Variants in OSBPL10 observed in about 807,000 individuals in gnomAD.
OSBPL10 encodes the protein oxysterol-binding protein-related protein 10.
OSBPL10 carries 49 observed loss-of-function variants against 81.7 expected under a neutral mutation model. The observed-to-expected ratio is 0.60, with a 90% CI of 0.48 to 0.76. OSBPL10 has a LOEUF of 0.76. Ranked by LOEUF, OSBPL10 falls within the 30% of genes least tolerant of loss-of-function variation. OSBPL10 has a pLI of 0.00. For synonymous variants in OSBPL10, 419 were observed against 383.6 expected (o/e 1.09, Z -1.08); for missense variants, 923 against 987.8 (o/e 0.93, Z 0.88).
At chr3:31,898,006 C>CAAAAAA (rs58479197) in intron 1 of OSBPL10, among the ~76,000 whole-genome samples, 92 of 62,458 alleles carry the variant, frequency 1.5e-3, no homozygotes, top group East Asian at 4.5e-3. Context: ...AGAACTCTGT[C>CAAAAAA]AAAAAAAAAA....
intron 1 of OSBPL10, among the ~76,000 whole-genome samples, chr3:31,979,408 C>G (rs1698768548): frequency 6.6e-6 from 1 of 152,214 alleles, no homozygotes; most frequent in South Asian, 2.1e-4. Flanking sequence ...AAGACCTCTT[C>G]CTCCAAGTTG....
intron 7 of OSBPL10, among the ~76,000 whole-genome samples, chr3:31,686,678 G>A (rs951668307): frequency 2.0e-5 from 3 of 151,976 alleles, no homozygotes; most frequent in Admixed American, 6.6e-5. Flanking sequence ...TTTAATCCAC[G>A]ACTTGAAAAA....
At chr3:31,964,456 C>T (rs1698255976) in intron 1 of OSBPL10, among the ~76,000 whole-genome samples, 1 of 152,244 alleles carries the variant, frequency 6.6e-6, no homozygotes, top group South Asian at 2.1e-4. Context: ...GGCACCTGCC[C>T]TACCCAGCAC....
intron 2 of OSBPL10, among the ~76,000 whole-genome samples, chr3:31,992,506 T>G (rs1699044955): frequency 6.6e-6 from 1 of 152,210 alleles, no homozygotes; most frequent in Non-Finnish European, 1.5e-5. Context: ...ATCTAGAGGC[T>G]GCCCACATTC....
chr3:31,822,690 A>T (rs1416681080), intron 4 of OSBPL10, among the ~76,000 whole-genome samples: 1 of 152,036 alleles, frequency 6.6e-6, no homozygotes, highest in Admixed American at 6.6e-5. Flanking sequence ...CAGGAGAATC[A>T]CTTGAGGCCA....
intron 1 of OSBPL10, among the ~76,000 whole-genome samples, chr3:31,959,077 G>A (rs961167333): frequency 6.6e-6 from 1 of 152,080 alleles, no homozygotes; most frequent in African/African-American, 2.4e-5. Context: ...GAGTGGAGAC[G>A]CACGCAATGG....
At chr3:31,852,475 T>A (rs1046367746) in intron 3 of OSBPL10, among the ~76,000 whole-genome samples, 4 of 152,182 alleles carry the variant, frequency 2.6e-5, no homozygotes, top group African/African-American at 9.6e-5. Flanking sequence ...AAGAAACCTA[T>A]GAACGACAGT....
At chr3:31,670,674 A>T in intron 9 of OSBPL10, 123 bp downstream of exon 9, 1 of 1,154,754 alleles carries the variant, frequency 8.7e-7, no homozygotes, top group Non-Finnish European at 1.2e-6. Flanking sequence ...TTTGGAAAAG[A>T]CCTTAACAAG....
intron 3 of OSBPL10, among the ~76,000 whole-genome samples, chr3:31,830,766 G>A (rs570800559): frequency 2.0e-5 from 3 of 152,174 alleles, no homozygotes; most frequent in East Asian, 3.9e-4. Context: ...CCAAGGCCTG[G>A]CACATCACAA....
At chr3:31,919,445 G>T (rs1031104889) in intron 1 of OSBPL10, 8 of 152,222 alleles carry the variant, frequency 5.3e-5, no homozygotes, top group African/African-American at 1.9e-4. Context: ...CTTAGGAAGG[G>T]CTGGAGCAAA....
chr3:32,059,672 C>T (rs1229209868), intron 1 of OSBPL10, among the ~76,000 whole-genome samples: 3 of 151,984 alleles, frequency 2.0e-5, no homozygotes, highest in Admixed American at 6.6e-5. Context: ...AATCCTAGCA[C>T]TCTGGGAGGC....
chr3:31,817,679 T>TG (rs745635357), intron 4 of OSBPL10, among the ~76,000 whole-genome samples: 64 of 152,302 alleles, frequency 4.2e-4, no homozygotes, highest in Non-Finnish European at 8.8e-4. Flanking sequence ...GGCAGGCTCC[T>TG]GCCTGCTTGA....
At chr3:31,782,780 A>G (rs534844659) in intron 4 of OSBPL10, among the ~76,000 whole-genome samples, 2 of 152,188 alleles carry the variant, frequency 1.3e-5, no homozygotes, top group Non-Finnish European at 2.9e-5. Flanking sequence ...TTAAAAATCA[A>G]AAAATAACAG....
At chr3:31,696,025 G>A (rs1267094169) in intron 7 of OSBPL10, among the ~76,000 whole-genome samples, 1 of 152,120 alleles carries the variant, frequency 6.6e-6, no homozygotes, top group Non-Finnish European at 1.5e-5. Flanking sequence ...GAAAACAGAG[G>A]CACTCAGATG....
chr3:31,749,256 T>C (rs1266573771), intron 4 of OSBPL10, among the ~76,000 whole-genome samples: 1 of 152,244 alleles, frequency 6.6e-6, no homozygotes, highest in Non-Finnish European at 1.5e-5. Flanking sequence ...TCTTTTTTGC[T>C]CAGCCTTTTT....
chr3:31,710,506 T>A (rs1696219947), intron 6 of OSBPL10: 1 of 152,238 alleles, frequency 6.6e-6, no homozygotes, highest in Non-Finnish European at 1.5e-5. Context: ...CAGGGCCCTG[T>A]CCACGAGGTA....
At chr3:31,817,859 C>T (rs1699882785) in intron 4 of OSBPL10, among the ~76,000 whole-genome samples, 1 of 152,248 alleles carries the variant, frequency 6.6e-6, no homozygotes, top group South Asian at 2.1e-4. Flanking sequence ...AATCCCAACA[C>T]TTTAGGAGGC....
intron 7 of OSBPL10, among the ~76,000 whole-genome samples, chr3:31,689,716 A>C (rs1189334114): frequency 1.9e-4 from 29 of 152,202 alleles, no homozygotes; most frequent in Admixed American, 1.9e-3. Context: ...TTCCCAAACA[A>C]GCTCTCTCTC....
chr3:32,030,309 T>C, intron 2 of OSBPL10: 3 of 458,108 alleles, frequency 6.5e-6, no homozygotes, highest in South Asian at 3.8e-5. Context: ...AGAAAGGTGA[T>C]ACTGTGGAAA....
Sources: gnomAD v4.1 joint callset for allele counts (sites outside exome capture counted in the v4.1 genomes callset) on GRCh38, gnomAD v4.1.1 for gene constraint, MANE v1.5 for transcripts, NCBI Gene and HGNC (gene_info 2026-07-23, HGNC 2026-07-21) for gene names.